CACNA2D1: variants seen among roughly 807,000 people sequenced by gnomAD.
The protein encoded by CACNA2D1 is calcium voltage-gated channel auxiliary subunit alpha2delta 1.
In CACNA2D1, 53 loss-of-function variants were observed where a neutral mutation model predicts 171.5. The ratio of observed to expected loss-of-function variants is 0.31; its 90% CI spans 0.25 to 0.39. The LOEUF (loss-of-function observed/expected upper bound fraction) is 0.39. CACNA2D1 is among the 10% of genes least tolerant of loss of function. The pLI is 1.00. For synonymous variants in CACNA2D1, 442 were observed against 443.1 expected (o/e 1.00, Z 0.03); for missense variants, 903 against 1,299.8 (o/e 0.69, Z 4.69).
At chr7:82,114,954 A>G (rs1264927581) in intron 6 of CACNA2D1, among the ~76,000 whole-genome samples, 2 of 152,170 alleles carry the variant, frequency 1.3e-5, no homozygotes, top group African/African-American at 2.4e-5. Context: ...CTGACTTAAA[A>G]TATCTTGTGG....
chr7:82,397,895 T>A (rs1825913372), intron 1 of CACNA2D1, among the ~76,000 whole-genome samples: 1 of 152,154 alleles, frequency 6.6e-6, no homozygotes, highest in African/African-American at 2.4e-5. Flanking sequence ...AAATGGCTCT[T>A]ATTAGACAAT....
intron 10 of CACNA2D1, among the ~76,000 whole-genome samples, chr7:82,058,875 T>C (rs1477217271): frequency 6.6e-6 from 1 of 152,106 alleles, no homozygotes; most frequent in Non-Finnish European, 1.5e-5. Flanking sequence ...TTATATCACC[T>C]GTGAGAGTGT....
intron 3 of CACNA2D1, among the ~76,000 whole-genome samples, chr7:82,263,404 C>T (rs1006095583): frequency 2.6e-5 from 4 of 152,114 alleles, no homozygotes; most frequent in African/African-American, 9.7e-5. Flanking sequence ...AGCCACCACA[C>T]CTGGCTAAAA....
In CACNA2D1 at chr7:81,965,759, A is replaced by C. The variant is rs1419609787; in HGVS notation, c.2503-94T>G. On this transcript the variant is annotated intron_variant, in intron 31 of 38. Transcript: ENST00000356860. ...TTATATACATGATTAGAGCAATAAAAATAGAAAATTTTAAATGCCTATCTT... is the reference window on the plus strand; with the variant it reads ...TTATATACATGATTAGAGCAATAAACATAGAAAATTTTAAATGCCTATCTT... 8 of 787,750 alleles carry C rather than the reference A, an allele frequency of 1.0e-5. No homozygotes were observed. In the Admixed American group the frequency reaches 1.4e-4, roughly 14 times the overall value. 48.8% of individuals were successfully genotyped at this position (787,750 alleles called of 1,614,324 possible).
intron 1 of CACNA2D1, among the ~76,000 whole-genome samples, chr7:82,386,392 T>C (rs1216197881): frequency 6.6e-6 from 1 of 152,162 alleles, no homozygotes; most frequent in Admixed American, 6.6e-5. Context: ...TTAGTTTTTG[T>C]TTCAAAATTA....
intron 10 of CACNA2D1, among the ~76,000 whole-genome samples, chr7:82,059,339 T>A (rs192971546): frequency 4.6e-4 from 70 of 152,280 alleles, no homozygotes; most frequent in Admixed American, 1.2e-3. Flanking sequence ...TTTCTAGCTA[T>A]GAGTAGGAGG....
At chr7:82,324,930 T>C (rs1032470329) in intron 3 of CACNA2D1, among the ~76,000 whole-genome samples, 1 of 152,160 alleles carries the variant, frequency 6.6e-6, no homozygotes, top group Admixed American at 6.5e-5. Flanking sequence ...ATAAACCATA[T>C]ATTAAGGTGT....
At chr7:82,133,470 T>A (rs1791244104) in intron 5 of CACNA2D1, among the ~76,000 whole-genome samples, 3 of 152,234 alleles carry the variant, frequency 2.0e-5, no homozygotes, top group African/African-American at 7.2e-5. Flanking sequence ...AATGTCTCTG[T>A]ACCTTAATGA....
intron 1 of CACNA2D1, among the ~76,000 whole-genome samples, chr7:82,406,537 C>T (rs1357997653): frequency 1.3e-5 from 2 of 152,224 alleles, no homozygotes; most frequent in Admixed American, 6.5e-5. Context: ...TATTTCTCCA[C>T]ATCCTCTCCA....
chr7:82,116,572 A>G (rs895483709), intron 6 of CACNA2D1, among the ~76,000 whole-genome samples: 1 of 152,190 alleles, frequency 6.6e-6, no homozygotes, highest in African/African-American at 2.4e-5. Flanking sequence ...TAAGGCAGAA[A>G]AACACAGACC....
At chr7:82,086,823 T>G (rs978892423) in intron 6 of CACNA2D1, among the ~76,000 whole-genome samples, 6 of 152,176 alleles carry the variant, frequency 3.9e-5, no homozygotes, top group Admixed American at 1.3e-4. Context: ...TTTCTTAGTT[T>G]TGTTTGATAA....
intron 4 of CACNA2D1, among the ~76,000 whole-genome samples, chr7:82,141,942 G>C (rs1040153307): frequency 6.6e-6 from 1 of 152,032 alleles, no homozygotes; most frequent in African/African-American, 2.4e-5. Flanking sequence ...AATTACCATG[G>C]GAACAAATGA....
intron 7 of CACNA2D1, among the ~76,000 whole-genome samples, chr7:82,076,787 A>C (rs1191756416): frequency 6.6e-6 from 1 of 152,110 alleles, no homozygotes. Flanking sequence ...CCATTAATAA[A>C]CCTTTTGATT....
intron 3 of CACNA2D1, among the ~76,000 whole-genome samples, chr7:82,268,913 G>GA (rs1370351408): frequency 2.0e-5 from 3 of 152,146 alleles, no homozygotes; most frequent in Non-Finnish European, 2.9e-5. Flanking sequence ...ACAGGAAATT[G>GA]AAAAGACAGT....
chr7:82,184,169 C>CTT (rs72155870), intron 3 of CACNA2D1, among the ~76,000 whole-genome samples: 5,721 of 127,346 alleles, frequency 0.045, 194 homozygotes, highest in African/African-American at 0.077. Context: ...TCGGTTTCCT[C>CTT]TTTTTTTTTT....
At chr7:82,063,394 T>C (rs886762409) in intron 9 of CACNA2D1, among the ~76,000 whole-genome samples, 5 of 152,150 alleles carry the variant, frequency 3.3e-5, no homozygotes, top group Admixed American at 2.0e-4. Flanking sequence ...ATTTGTTGAA[T>C]TCATTTATCT....
chr7:82,183,795 G>A (rs955338365), intron 3 of CACNA2D1, among the ~76,000 whole-genome samples: 17 of 152,032 alleles, frequency 1.1e-4, no homozygotes, highest in African/African-American at 3.1e-4. Flanking sequence ...GTCAACGTAC[G>A]TTACGCTCCC....
intron 1 of CACNA2D1, among the ~76,000 whole-genome samples, chr7:82,378,991 T>C (rs1403372068): frequency 1.4e-5 from 2 of 147,408 alleles, no homozygotes; most frequent in Non-Finnish European, 3.0e-5. Flanking sequence ...GTGTGTGTTA[T>C]ACTCGGGAGC....
At chr7:82,366,225 TC>T (rs58730492) in intron 1 of CACNA2D1, among the ~76,000 whole-genome samples, 69,714 of 151,928 alleles carry the variant, frequency 0.46, 16,506 homozygotes, top group East Asian at 0.57. Flanking sequence ...TAATATAATG[TC>T]AACTTTTGTT....
Sources: gnomAD v4.1 joint callset for allele counts (sites outside exome capture counted in the v4.1 genomes callset) on GRCh38, gnomAD v4.1.1 for gene constraint, MANE v1.5 for transcripts, NCBI Gene and HGNC (gene_info 2026-07-23, HGNC 2026-07-21) for gene names.